The following LEPR variants were observed in gnomAD, a reference collection of about 807,000 sequenced individuals.
The protein encoded by LEPR is OB receptor.
LEPR carries 56 observed loss-of-function variants against 114.7 expected under a neutral mutation model. The ratio of observed to expected loss-of-function variants is 0.49; its 90% CI spans 0.39 to 0.61. The LOEUF is 0.61. Ranked by LOEUF, LEPR falls within the 20% of genes least tolerant of loss-of-function variation. The probability of loss-of-function intolerance (pLI) is 0.00; values close to 1 mark genes in which losing one functional copy is unlikely to be tolerated. For synonymous variants in LEPR, 443 were observed against 461.4 expected (o/e 0.96, Z 0.51); for missense variants, 1,202 against 1,352.9 (o/e 0.89, Z 1.75).
Position 65,430,081 on chromosome 1 carries a change from G to A in LEPR, c.-21+4703G>A, listed in dbSNP as rs756908401. ...TTATTTTCTATTGTTTTGCCCAACC[G>A]TTGCTGAGTTTACTTCAGAGGCCTG... On this transcript the variant is annotated intron_variant, in intron 2 of 19. Transcript: ENST00000349533. The A allele has an allele frequency of 1.1e-5, 17 of 1,515,046 alleles. 1 individual carries two copies. The highest frequency in any genetic ancestry group is 6.5e-5 in the South Asian group (5 of 77,336). The allele number at this position is 1,515,046 out of a possible 1,614,324, so 93.9% of individuals were successfully genotyped here.
intron 6 of LEPR, among the ~76,000 whole-genome samples, chr1:65,594,719 G>A (rs147485427): frequency 2.6e-4 from 39 of 152,070 alleles, no homozygotes; most frequent in Middle Eastern, 6.8e-3. Context: ...AGTTGTTAGC[G>A]TATCAAGGTT....
chr1:65,425,684 A>C (rs541767880), intron 2 of LEPR, among the ~76,000 whole-genome samples: 15 of 152,352 alleles, frequency 9.8e-5, no homozygotes, highest in Middle Eastern at 6.8e-3. Context: ...AGAGACAGGC[A>C]AACGGTCTAG....
At chr1:65,477,178 T>C (rs1647168869) in intron 2 of LEPR, among the ~76,000 whole-genome samples, 1 of 152,226 alleles carries the variant, frequency 6.6e-6, no homozygotes, top group Non-Finnish European at 1.5e-5. Context: ...TTCCCTGTCC[T>C]CATTACTGCT....
intron 2 of LEPR, among the ~76,000 whole-genome samples, chr1:65,500,005 A>T (rs1249866360): frequency 6.6e-6 from 1 of 152,070 alleles, no homozygotes; most frequent in East Asian, 1.9e-4. Context: ...TGATTGGGTC[A>T]TGGGGTTGGA....
At chr1:65,578,790 AAC>A (rs374017762) in intron 5 of LEPR, among the ~76,000 whole-genome samples, 1 of 151,928 alleles carries the variant, frequency 6.6e-6, no homozygotes, top group African/African-American at 2.4e-5. Context: ...AATATATAGA[AAC>A]ACACACACAC....
chr1:65,606,247 A>G (rs745459408), intron 11 of LEPR, among the ~76,000 whole-genome samples: 15 of 152,182 alleles, frequency 9.9e-5, no homozygotes, highest in Non-Finnish European at 1.3e-4. Flanking sequence ...TTTTTACTGC[A>G]GTGATACTTA....
intron 7 of LEPR, among the ~76,000 whole-genome samples, chr1:65,598,209 C>T (rs879758524): frequency 6.7e-6 from 1 of 148,978 alleles, no homozygotes; most frequent in Non-Finnish European, 1.5e-5. Context: ...GTTGGGATTA[C>T]AGGCATGAGC....
intron 2 of LEPR, among the ~76,000 whole-genome samples, chr1:65,512,332 G>A (rs183462330): frequency 6.8e-4 from 104 of 152,240 alleles, no homozygotes; most frequent in African/African-American, 2.4e-3. Context: ...AGATTTGGGC[G>A]GGGACACAAA....
At chr1:65,528,044 T>G (rs1450587981) in intron 2 of LEPR, among the ~76,000 whole-genome samples, 4 of 152,018 alleles carry the variant, frequency 2.6e-5, no homozygotes, top group Admixed American at 2.6e-4. Context: ...TCTCAGCAAT[T>G]TACTGAGAAA....
chr1:65,599,852 T>C (rs1374852891), intron 8 of LEPR, among the ~76,000 whole-genome samples: 4 of 152,132 alleles, frequency 2.6e-5, no homozygotes, highest in African/African-American at 7.2e-5. Flanking sequence ...ATTATTAAAA[T>C]TTTGCAAATT....
chr1:65,425,516 C>G, intron 2 of LEPR, 138 bp downstream of exon 2: 1 of 631,594 alleles, frequency 1.6e-6, no homozygotes, highest in Non-Finnish European at 2.6e-6. Flanking sequence ...AACACAGTCC[C>G]TTTGTGGGTC....
chr1:65,518,471 C>T (rs1444697098), intron 2 of LEPR, among the ~76,000 whole-genome samples: 2 of 152,168 alleles, frequency 1.3e-5, no homozygotes, highest in African/African-American at 2.4e-5. Context: ...AAAAGTGTTA[C>T]CAGCCACACT....
chr1:65,502,503 T>C (rs1648505699), intron 2 of LEPR, among the ~76,000 whole-genome samples: 1 of 152,074 alleles, frequency 6.6e-6, no homozygotes, highest in Non-Finnish European at 1.5e-5. Flanking sequence ...ACTAGTGTGG[T>C]CCAGATGCTA....
chr1:65,507,499 G>A (rs956223555), intron 2 of LEPR, among the ~76,000 whole-genome samples: 17 of 138,038 alleles, frequency 1.2e-4, no homozygotes, highest in African/African-American at 4.3e-4. Context: ...ATATGTGTGT[G>A]TATATATATA....
chr1:65,465,684 A>G (rs546350855), intron 2 of LEPR, among the ~76,000 whole-genome samples: 2 of 152,214 alleles, frequency 1.3e-5, no homozygotes, highest in African/African-American at 2.4e-5. Context: ...GTCTCTAAGG[A>G]CTTGCTTTAT....
chr1:65,601,478 G>T lies in LEPR; in HGVS notation c.1081G>T (p.Val361Phe), dbSNP rs372612786. The change falls in exon 9 of 20, where the codon GTT (valine) becomes TTT (phenylalanine). Residue 361 changes from valine (V) to phenylalanine (F), a missense_variant. Physicochemically the swap from Val to Phe is conservative, Grantham distance 50. Coordinates refer to ENST00000349533, the MANE Select transcript of LEPR (RefSeq NM_002303.6). ...CATCTATAAGAAGGAAAACAAGATT[G>T]TTCCCTCAAAAGAGATTGTTTGGTG... ...HCIYKKENKIVPSKEIVWWMN... is the reference protein window; with the variant it reads ...HCIYKKENKIFPSKEIVWWMN... 1.2e-6 allele frequency: 2 copies of T among 1,613,530 alleles called. No homozygotes were observed. Among genetic ancestry groups the T allele is most frequent in the East Asian group, 2.2e-5 (1 of 44,860 alleles).
At position 65,459,624 on chromosome 1, in the gene LEPR, A is replaced by G. The variant is rs75903311; in HGVS notation, c.-21+34246A>G. On this transcript the variant is annotated intron_variant, in intron 2 of 19. Coordinates refer to ENST00000349533, the MANE Select transcript of LEPR (RefSeq NM_002303.6). ...ACTAACAAAGGGAAATGTTCACAGG[A>G]TCCAGCTCTGCCATCCCAACCCAGG... Among the ~76,000 whole-genome samples the G allele has an allele frequency of 9.1e-4, 138 of 152,336 alleles. 1 individual carries two copies. The highest frequency in any genetic ancestry group is 3.2e-3 in the African/African-American group (132 of 41,578).
chr1:65,455,633 G>A (rs1646860051), intron 2 of LEPR, among the ~76,000 whole-genome samples: 1 of 152,174 alleles, frequency 6.6e-6, no homozygotes, highest in Admixed American at 6.5e-5. Context: ...GAGGCAGTCT[G>A]TCCGTTCTCA....
At chr1:65,477,209 T>C (rs1157899525) in intron 2 of LEPR, among the ~76,000 whole-genome samples, 1 of 152,188 alleles carries the variant, frequency 6.6e-6, no homozygotes, top group African/African-American at 2.4e-5. Flanking sequence ...CCAAAGAATT[T>C]CTTACCTTCT....
Sources: gnomAD v4.1 joint callset for allele counts (sites outside exome capture counted in the v4.1 genomes callset) on GRCh38, gnomAD v4.1.1 for gene constraint, MANE v1.5 for transcripts, NCBI Gene and HGNC (gene_info 2026-07-23, HGNC 2026-07-21) for gene names.